Variants in GRIK4 observed in about 807,000 individuals in gnomAD.
The protein encoded by GRIK4 is glutamate ionotropic receptor kainate type subunit 4, also known as glutamate receptor ionotropic, kainate 4.
In GRIK4, 40 loss-of-function variants were observed where a neutral mutation model predicts 104.9. The ratio of observed to expected loss-of-function variants is 0.38; its 90% CI spans 0.30 to 0.50. The LOEUF is 0.50. GRIK4 is among the 20% of genes least tolerant of loss of function. The pLI, the probability that GRIK4 is intolerant of heterozygous loss-of-function variation, is 0.93. For missense variants in GRIK4, 1,047 were observed against 1,308.1 expected (o/e 0.80, Z 3.08); for synonymous variants, 485 against 524.9 (o/e 0.92, Z 1.04).
chr11:120,831,094 G>A (rs570987281), intron 6 of GRIK4, among the ~76,000 whole-genome samples: 2 of 152,194 alleles, frequency 1.3e-5, no homozygotes, highest in South Asian at 4.2e-4. Flanking sequence ...TTTCTGTTTT[G>A]TTCTGGGCCC....
intron 3 of GRIK4, among the ~76,000 whole-genome samples, chr11:120,712,630 A>G (rs866652529): frequency 6.6e-6 from 1 of 152,040 alleles, no homozygotes; most frequent in Non-Finnish European, 1.5e-5. Context: ...TCTTAAAAAA[A>G]AAAAAAAAAA....
intron 8 of GRIK4, among the ~76,000 whole-genome samples, chr11:120,839,105 C>G (rs1211631474): frequency 2.0e-5 from 3 of 152,108 alleles, no homozygotes; most frequent in Non-Finnish European, 4.4e-5. Context: ...TGTTTTGGGC[C>G]ATAGAGGGAG....
At chr11:120,984,696 G>T (rs1380953547) in intron 20 of GRIK4, among the ~76,000 whole-genome samples, 1 of 151,944 alleles carries the variant, frequency 6.6e-6, no homozygotes, top group Non-Finnish European at 1.5e-5. Flanking sequence ...TTGAACCCAG[G>T]AGGTGGAGGT....
At chr11:120,979,268 A>G (rs1944611688) in intron 19 of GRIK4, among the ~76,000 whole-genome samples, 1 of 152,224 alleles carries the variant, frequency 6.6e-6, no homozygotes, top group Non-Finnish European at 1.5e-5. Flanking sequence ...ATTTGTAAAA[A>G]CTTCATTACA....
chr11:120,597,838 A>G (rs1948825547), intron 1 of GRIK4, among the ~76,000 whole-genome samples: 1 of 152,150 alleles, frequency 6.6e-6, no homozygotes, highest in African/African-American at 2.4e-5. Context: ...CTCCAGCCCA[A>G]TTAGAAACCT....
intron 6 of GRIK4, among the ~76,000 whole-genome samples, chr11:120,822,733 G>A (rs1017649138): frequency 1.3e-5 from 2 of 152,142 alleles, no homozygotes; most frequent in Non-Finnish European, 2.9e-5. Context: ...TTGTGGACCA[G>A]GAGTTTTATG....
chr11:120,605,317 C>T (rs765653971), intron 1 of GRIK4, among the ~76,000 whole-genome samples: 52 of 152,224 alleles, frequency 3.4e-4, no homozygotes, highest in South Asian at 4.1e-4. Flanking sequence ...CTTGACACTG[C>T]TCTGCCCTTA....
intron 1 of GRIK4, among the ~76,000 whole-genome samples, chr11:120,544,365 C>G (rs774369770): frequency 4.6e-5 from 7 of 152,034 alleles, no homozygotes; most frequent in Admixed American, 6.6e-5. Flanking sequence ...GAGTCTTGCT[C>G]TGTCACCCAG....
At chr11:120,646,272 C>T (rs1056788332) in intron 1 of GRIK4, among the ~76,000 whole-genome samples, 3 of 152,186 alleles carry the variant, frequency 2.0e-5, no homozygotes. Context: ...TTGACAGCAA[C>T]CTTAGGAATG....
rs76328428 is a variant in GRIK4, at chr11:120,922,064, C to T, written c.1476+16571C>T. On this transcript the variant is annotated intron_variant, in intron 13 of 20. Coordinates refer to ENST00000527524, the MANE Select transcript of GRIK4 (RefSeq NM_014619.5). ...CCTCACCCAGACTCCCAACACTGTG[C>T]TCAACTCCCGTGGCTCCCTATGTCA... Among the ~76,000 whole-genome samples, 1,169 of 152,310 alleles carry T rather than the reference C, an allele frequency of 7.7e-3. 20 individuals are homozygous for T. The highest frequency in any genetic ancestry group is 0.026 in the African/African-American group (1,098 of 41,566).
At chr11:120,682,234 G>T (rs1008301787) in intron 3 of GRIK4, among the ~76,000 whole-genome samples, 2 of 152,218 alleles carry the variant, frequency 1.3e-5, no homozygotes, top group Non-Finnish European at 2.9e-5. Context: ...AAATGCATTT[G>T]GTGGTGTCAC....
intron 1 of GRIK4, among the ~76,000 whole-genome samples, chr11:120,594,297 G>A (rs1012922749): frequency 2.2e-4 from 34 of 152,222 alleles, no homozygotes; most frequent in African/African-American, 7.7e-4. Context: ...GGGCAACATG[G>A]TGAGACCCCG....
intron 3 of GRIK4, among the ~76,000 whole-genome samples, chr11:120,772,694 G>C (rs975999920): frequency 1.1e-4 from 17 of 151,854 alleles, no homozygotes; most frequent in Non-Finnish European, 1.8e-4. Flanking sequence ...ATATTGTGGG[G>C]AGAAGGAGAG....
At chr11:120,862,212 G>A in intron 9 of GRIK4, 92 bp downstream of exon 9, 2 of 1,076,636 alleles carry the variant, frequency 1.9e-6, no homozygotes, top group Non-Finnish European at 2.7e-6. Flanking sequence ...TCTTCTTGGA[G>A]TCCAGCCGTC....
At chr11:120,636,019 C>T (rs1949392552) in intron 1 of GRIK4, among the ~76,000 whole-genome samples, 1 of 152,242 alleles carries the variant, frequency 6.6e-6, no homozygotes, top group East Asian at 1.9e-4. Context: ...GCGTGGACTT[C>T]TTCAATGCGT....
intron 1 of GRIK4, among the ~76,000 whole-genome samples, chr11:120,614,970 G>A (rs1347466586): frequency 1.3e-5 from 2 of 152,214 alleles, no homozygotes; most frequent in Non-Finnish European, 2.9e-5. Context: ...CTGCACTCCA[G>A]CCTGGGCAAC....
rs992571092 is a variant in GRIK4 at position 120,967,709 on chromosome 11, T to C, written c.2395+386T>C. 1.1e-4 allele frequency among the ~76,000 whole-genome samples: 17 copies of C among 152,186 alleles called. No homozygotes were observed. The highest frequency in any genetic ancestry group is 4.4e-5 in the Non-Finnish European group (3 of 68,034). On this transcript the variant is annotated intron_variant, in intron 19 of 20. Coordinates refer to ENST00000527524, the MANE Select transcript of GRIK4 (RefSeq NM_014619.5). The surrounding 1 kb of genome is among the most constrained non-coding windows in gnomAD (Gnocchi z 4.2). ...TCCGCTACTAGCCAGAGTGATCCTTTTTAAAAATGCAAACTCGATGGCAGC... is the reference window on the plus strand; with the variant it reads ...TCCGCTACTAGCCAGAGTGATCCTTCTTAAAAATGCAAACTCGATGGCAGC...
chr11:120,759,328 G>A (rs1951705142), intron 3 of GRIK4, among the ~76,000 whole-genome samples: 1 of 152,206 alleles, frequency 6.6e-6, no homozygotes, highest in South Asian at 2.1e-4. Flanking sequence ...TCTAGAGGCA[G>A]GCAGGGGCCA....
intron 4 of GRIK4, among the ~76,000 whole-genome samples, chr11:120,806,689 T>C (rs948034): frequency 0.21 from 32,258 of 152,250 alleles, 7,251 homozygotes; most frequent in African/African-American, 0.57. Context: ...CAGAAAGCTC[T>C]GTCCACATCA....
Sources: allele counts gnomAD v4.1 joint callset (sites outside exome capture counted in the v4.1 genomes callset), GRCh38; gene constraint gnomAD v4.1.1; non-coding constraint Gnocchi (gnomAD v3.1); transcripts MANE v1.5; gene names NCBI Gene and HGNC (gene_info 2026-07-23, HGNC 2026-07-21).